Variants in ABCB5 observed in about 807,000 individuals in gnomAD.
ABCB5 encodes the protein ATP-binding cassette sub-family B member 5.
ABCB5 carries 155 observed loss-of-function variants against 144.2 expected under a neutral mutation model. That is an observed-to-expected ratio of 1.08 (90% CI 0.94 to 1.23). The LOEUF is 1.23. Ranked by LOEUF, ABCB5 falls within the 50% of genes most tolerant of loss-of-function variation. The pLI, the probability that ABCB5 is intolerant of heterozygous loss-of-function variation, is 0.00. For synonymous variants in ABCB5, 610 were observed against 528.6 expected (o/e 1.15, Z -2.11); for missense variants, 1,830 against 1,520.8 (o/e 1.20, Z -3.38).
In ABCB5 at chr7:20,755,952, G is replaced by T; in HGVS notation, c.*328G>T. The T allele has an allele frequency of 3.4e-6, 1 of 292,320 alleles. No individual in the cohort carries two copies. The highest frequency in any genetic ancestry group is 6.5e-6 in the Non-Finnish European group (1 of 152,778). The allele number at this position is 292,320 out of a possible 1,614,324, so 18.1% of individuals were successfully genotyped here. A position where few individuals can be genotyped will look rare whatever the true frequency, so the allele number is the denominator to read the frequency against. On this transcript the variant is annotated 3_prime_UTR_variant, in exon 28 of 28. Transcript: ENST00000404938. ...ATAAAATCGGAAATATGTTTCCAGG[G>T]GGAATATTATCCAATTAACCATGTT...
chr7:20,646,150 T>A lies in ABCB5; in HGVS notation c.981+12T>A. 6.2e-7 allele frequency: 1 copy of A among 1,606,720 alleles called. No homozygotes were observed. The highest frequency in any genetic ancestry group is 8.5e-7 in the Non-Finnish European group (1 of 1,177,734). ...GGACTGTTCTTGCTGTAAGTCTTGT[T>A]TGAGAACAAGGTGTCAGGCCTGGAT... On this transcript the variant is annotated intron_variant, in intron 9 of 27. Coordinates refer to ENST00000404938, the MANE Select transcript of ABCB5 (RefSeq NM_001163941.2).
Position 20,728,394 on chromosome 7 carries a change from G to A in ABCB5, c.2806G>A (p.Gly936Arg), listed in dbSNP as rs776801339. The change falls in exon 23 of 28, where the codon GGG (glycine) becomes AGG (arginine). Residue 936 changes from glycine (G) to arginine (R), a missense_variant. Transcript: ENST00000404938. ...CTTTATATATTTTGCCTATGCGGCA[G>A]GGTTTCGATTTGGAGCCTATTTAAT... ...HAFIYFAYAAGFRFGAYLIQA... is the reference protein window; with the variant it reads ...HAFIYFAYAARFRFGAYLIQA... 4.3e-6 allele frequency: 7 copies of A among 1,614,042 alleles called. No individual in the cohort carries two copies. In the African/African-American group the frequency reaches 6.7e-5, roughly 15 times the overall value.
chr7:20,710,204 C>T (rs1183583173), intron 20 of ABCB5, among the ~76,000 whole-genome samples: 2 of 147,548 alleles, frequency 1.4e-5, no homozygotes, highest in African/African-American at 5.0e-5. Context: ...GTGAGACCGT[C>T]TCTCTACTAA....
At chr7:20,632,404 T>A (rs1784057876) in intron 5 of ABCB5, among the ~76,000 whole-genome samples, 1 of 152,172 alleles carries the variant, frequency 6.6e-6, no homozygotes, top group Non-Finnish European at 1.5e-5. Flanking sequence ...CCTAGTAATA[T>A]CCTGGGAAAG....
chr7:20,686,887 A>G (rs1786020469), intron 16 of ABCB5, among the ~76,000 whole-genome samples: 1 of 152,148 alleles, frequency 6.6e-6, no homozygotes, highest in Non-Finnish European at 1.5e-5. Context: ...CCCCTGGATT[A>G]TCTGCCCCAA....
At position 20,685,828 on chromosome 7, in the gene ABCB5, T is replaced by C; in HGVS notation, c.2002T>C (p.Ser668Pro). ...TGACAAGGCTGAGGAATCCACCCAA[T>C]CTAAAGAGGTAATGGCTCAGCGATC... ...FIDKAEESTQ[S>P]KEISLPEVSL... Residue 668 changes from serine (S) to proline (P), a missense_variant, in exon 16 of 28, where the codon TCT becomes CCT. Coordinates refer to ENST00000404938, the MANE Select transcript of ABCB5 (RefSeq NM_001163941.2). The C allele has an allele frequency of 6.2e-7, 1 of 1,606,292 alleles. No individual in the cohort carries two copies.
chr7:20,717,597 C>T (rs1386831435), intron 20 of ABCB5, among the ~76,000 whole-genome samples: 1 of 151,956 alleles, frequency 6.6e-6, no homozygotes, highest in Non-Finnish European at 1.5e-5. Context: ...CACGCACCAC[C>T]ATGCCCGGCT....
chr7:20,634,728 C>T (rs1208781833), intron 5 of ABCB5, among the ~76,000 whole-genome samples: 1 of 151,942 alleles, frequency 6.6e-6, no homozygotes, highest in African/African-American at 2.4e-5. Flanking sequence ...GTCTTTTGCC[C>T]ACTTTTTAAT....
intron 2 of ABCB5, among the ~76,000 whole-genome samples, chr7:20,625,030 T>C (rs1412145507): frequency 4.6e-5 from 7 of 152,178 alleles, no homozygotes; most frequent in Non-Finnish European, 1.5e-5. Flanking sequence ...TGAAGGTCAA[T>C]CGGAGTTAGA....
intron 20 of ABCB5, among the ~76,000 whole-genome samples, chr7:20,715,500 T>A (rs1781642986): frequency 1.3e-5 from 2 of 152,126 alleles, no homozygotes; most frequent in Admixed American, 6.5e-5. Context: ...AACCTCAAAC[T>A]CTTGGGCTGA....
At chr7:20,640,523 G>A (rs1784273556) in intron 5 of ABCB5, among the ~76,000 whole-genome samples, 1 of 152,182 alleles carries the variant, frequency 6.6e-6, no homozygotes, top group Non-Finnish European at 1.5e-5. Flanking sequence ...CATCAGTTCA[G>A]TGTGATGCTT....
intron 13 of ABCB5, among the ~76,000 whole-genome samples, chr7:20,652,486 C>T (rs568557314): frequency 1.3e-5 from 2 of 152,308 alleles, no homozygotes; most frequent in East Asian, 3.9e-4. Context: ...AGGAGAATCA[C>T]TTGAACCTGG....
In ABCB5 at chr7:20,643,274, G is replaced by T. The variant is rs1339066743; in HGVS notation, c.405G>T (p.Gln135His). Residue 135 changes from glutamine (Q) to histidine (H), a missense_variant, in exon 6 of 28, where the codon CAG (glutamine) becomes CAT (histidine). Coordinates refer to ENST00000404938, the MANE Select transcript of ABCB5 (RefSeq NM_001163941.2). ...ISLWIITAAR[Q>H]TKRIRKQFFH... ...TGTGGATTATAACTGCAGCACGACAGACCAAGAGGATTCGAAAACAGTTTT... is the reference window on the plus strand; with the variant it reads ...TGTGGATTATAACTGCAGCACGACATACCAAGAGGATTCGAAAACAGTTTT... 1.9e-6 allele frequency: 3 copies of T among 1,613,776 alleles called. No homozygotes were observed. In the African/African-American group the frequency reaches 4.0e-5, roughly 22 times the overall value.
chr7:20,643,978 C>T (rs1225443178), intron 7 of ABCB5, among the ~76,000 whole-genome samples: 1 of 152,098 alleles, frequency 6.6e-6, no homozygotes, highest in East Asian at 1.9e-4. Context: ...GCTCTAAATT[C>T]ACAGATCAAC....
chr7:20,732,956 G>A lies in ABCB5; in HGVS notation c.2867+4501G>A, dbSNP rs927823949. On this transcript the variant is annotated intron_variant, in intron 23 of 27. Transcript: ENST00000404938. ...CATTACTTATGAAAATTGCTATAAC[G>A]GCAAATCTTGATTGAATCTTTACTC... Among the ~76,000 whole-genome samples, 5 of 152,162 alleles carry A rather than the reference G, an allele frequency of 3.3e-5. No homozygotes were observed. The East Asian group carries it at 5.8e-4, about 18-fold the overall frequency.
chr7:20,652,138 A>G (rs779977480), intron 13 of ABCB5, among the ~76,000 whole-genome samples: 25 of 152,254 alleles, frequency 1.6e-4, no homozygotes, highest in South Asian at 4.1e-4. Context: ...ATTATGTCTA[A>G]AATGTTTATT....
At chr7:20,707,960 T>C (rs773401215) in intron 20 of ABCB5, among the ~76,000 whole-genome samples, 1 of 152,116 alleles carries the variant, frequency 6.6e-6, no homozygotes, top group South Asian at 2.1e-4. Flanking sequence ...CCTGCTACTA[T>C]GCCCAGCTAA....
At chr7:20,625,152 A>G (rs1037959389) in intron 2 of ABCB5, among the ~76,000 whole-genome samples, 2 of 152,220 alleles carry the variant, frequency 1.3e-5, no homozygotes, top group African/African-American at 4.8e-5. Flanking sequence ...GCAATGGTAA[A>G]GCATTCTTTT....
At chr7:20,720,823 A>T (rs1781837689) in intron 20 of ABCB5, among the ~76,000 whole-genome samples, 1 of 151,458 alleles carries the variant, frequency 6.6e-6, no homozygotes, top group Non-Finnish European at 1.5e-5. Flanking sequence ...GCGCGCCTGT[A>T]GTCCCAGCTA....
Sources: gnomAD v4.1 joint callset for allele counts (sites outside exome capture counted in the v4.1 genomes callset) on GRCh38, gnomAD v4.1.1 for gene constraint, MANE v1.5 for transcripts, NCBI Gene and HGNC (gene_info 2026-07-23, HGNC 2026-07-21) for gene names.